Variants in SEPTIN2 observed in about 807,000 individuals in gnomAD.
SEPTIN2 encodes the protein septin 2, also known as septin-2.
SEPTIN2 carries 34 observed loss-of-function variants against 46.5 expected under a neutral mutation model. The observed-to-expected ratio is 0.73, with a 90% CI of 0.56 to 0.97. SEPTIN2 has a LOEUF of 0.97. SEPTIN2 is among the 50% of genes least tolerant of loss of function. SEPTIN2 has a pLI of 0.00. For synonymous variants in SEPTIN2, 175 were observed against 153.4 expected (o/e 1.14, Z -1.04); for missense variants, 347 against 448.4 (o/e 0.77, Z 2.04).
At chr2:241,335,267 A>C (rs1022765076) in intron 4 of SEPTIN2, 55 bp downstream of exon 4, 7 of 1,593,012 alleles carry the variant, frequency 4.4e-6, no homozygotes, top group African/African-American at 1.3e-5. Context: ...GATGCTGAAG[A>C]CTGCCTAATT....
Position 241,352,229 on chromosome 2 carries a change from G to GTATA in SEPTIN2, c.*292_*293insTATA, listed in dbSNP as rs2060846184. 1 of 152,606 alleles carries GTATA rather than the reference G, an allele frequency of 6.6e-6. No individual in the cohort carries two copies. The highest frequency in any genetic ancestry group is 1.5e-5 in the Non-Finnish European group (1 of 68,042). The allele number at this position is 152,606 out of a possible 1,614,324, so 9.5% of individuals were successfully genotyped here. On this transcript the variant is annotated 3_prime_UTR_variant, in exon 13 of 13. Transcript: ENST00000391971. ...TGTTAGAATTGATTTCCAAGAATCG[G>GTATA]CATGTATACTTAATACTGAATTTCT...
intron 3 of SEPTIN2, among the ~76,000 whole-genome samples, chr2:241,327,050 CAAAAAAAAAAAA>C (rs59492636): frequency 4.5e-5 from 3 of 66,014 alleles, no homozygotes; most frequent in Admixed American, 2.0e-4. Flanking sequence ...AACCTTGTCT[CAAAAAAAAAAAA>C]AAAAAAAAAA....
At chr2:241,315,701 A>C (rs1205863315), upstream of SEPTIN2, 1 of 152,374 alleles carries the variant, frequency 6.6e-6, no homozygotes, top group Admixed American at 6.5e-5. Context: ...CAGCCTCTAT[A>C]TGGCCAACTG....
chr2:241,334,722 G>A (rs557219384), intron 3 of SEPTIN2, among the ~76,000 whole-genome samples: 26 of 152,232 alleles, frequency 1.7e-4, no homozygotes, highest in Admixed American at 7.9e-4. Context: ...GGATAGATAT[G>A]TTCAGTTTTC....
chr2:241,346,930 C>T (rs1026524442), intron 10 of SEPTIN2, among the ~76,000 whole-genome samples: 3 of 152,174 alleles, frequency 2.0e-5, no homozygotes, highest in Admixed American at 1.3e-4. Flanking sequence ...GAAGCAGCAG[C>T]TTCGATCCTC....
chr2:241,331,299 A>G (rs1039631051), intron 3 of SEPTIN2, among the ~76,000 whole-genome samples: 9 of 152,270 alleles, frequency 5.9e-5, no homozygotes, highest in Admixed American at 2.0e-4. Context: ...AGACCTATAC[A>G]CTGAAAACTA....
In SEPTIN2 at chr2:241,335,972, T is replaced by C. The variant is rs761299365; in HGVS notation, c.218-3T>C. On this transcript the variant is annotated splice_region_variant and splice_polypyrimidine_tract_variant and intron_variant, in intron 4 of 12. Transcript: ENST00000391971. ...TTCCCTATTAAGTTTGTTTCTTTTC[T>C]AGAAAAAATTGAAAGAACTGTCCAG... The C allele has an allele frequency of 6.2e-7, 1 of 1,614,160 alleles. No individual in the cohort carries two copies. Among genetic ancestry groups the C allele is most frequent in the Non-Finnish European group, 8.5e-7 (1 of 1,180,024 alleles).
chr2:241,323,889 T>C (rs1443546883), intron 1 of SEPTIN2, among the ~76,000 whole-genome samples: 1 of 152,232 alleles, frequency 6.6e-6, no homozygotes, highest in African/African-American at 2.4e-5. Flanking sequence ...CTTCCTTTTG[T>C]AAAGAAGTAA....
rs774586614 is a variant in SEPTIN2, at chr2:241,348,232, G to C, written c.984+41G>C. Reference sequence around the variant, plus strand: ...CTATTGGTTGGTTGGTTGGTTGGTTGTTTTGTTTGTTTTGAGACAGAGTTT... The same window carrying C: ...CTATTGGTTGGTTGGTTGGTTGGTTCTTTTGTTTGTTTTGAGACAGAGTTT... On this transcript the variant is annotated intron_variant, in intron 11 of 12. Transcript: ENST00000391971. 9 of 1,553,216 alleles carry C rather than the reference G, an allele frequency of 5.8e-6. No individual in the cohort carries two copies. In the South Asian group the frequency reaches 1.0e-4, roughly 17 times the overall value.
intron 1 of SEPTIN2, among the ~76,000 whole-genome samples, chr2:241,319,589 A>G: frequency 6.6e-6 from 1 of 152,182 alleles, no homozygotes; most frequent in African/African-American, 2.4e-5. Flanking sequence ...AGATTTAAGC[A>G]GTTTTCCTTT....
At chr2:241,318,818 C>G in intron 1 of SEPTIN2, among the ~76,000 whole-genome samples, 1 of 151,870 alleles carries the variant, frequency 6.6e-6, no homozygotes, top group Non-Finnish European at 1.5e-5. Context: ...CTGCCTCAGC[C>G]TCCTGGGTAG....
At chr2:241,349,433 C>T (rs2060582465) in intron 11 of SEPTIN2, among the ~76,000 whole-genome samples, 1 of 151,436 alleles carries the variant, frequency 6.6e-6, no homozygotes, top group Admixed American at 6.6e-5. Flanking sequence ...ATTGTGAGGC[C>T]TTCATTGCCC....
At chr2:241,347,109 TA>T (rs1419737471) in intron 10 of SEPTIN2, among the ~76,000 whole-genome samples, 1 of 152,118 alleles carries the variant, frequency 6.6e-6, no homozygotes, top group Non-Finnish European at 1.5e-5. Context: ...TTTTTTAAAT[TA>T]GCCAGATGTG....
intron 11 of SEPTIN2, among the ~76,000 whole-genome samples, chr2:241,348,651 A>G (rs1042938684): frequency 6.6e-6 from 1 of 152,142 alleles, no homozygotes; most frequent in Non-Finnish European, 1.5e-5. Flanking sequence ...TAACTACTTT[A>G]TTACTATATA....
chr2:241,330,500 T>C (rs1332695798), intron 3 of SEPTIN2, among the ~76,000 whole-genome samples: 1 of 152,130 alleles, frequency 6.6e-6, no homozygotes, highest in African/African-American at 2.4e-5. Flanking sequence ...TACGTGTAAA[T>C]GGGTGTGGCT....
intron 1 of SEPTIN2, 154 bp downstream of exon 1, chr2:241,316,136 G>T: frequency 5.1e-6 from 1 of 196,846 alleles, no homozygotes; most frequent in Non-Finnish European, 1.0e-5. Context: ...CCGAGCCCAG[G>T]CTCTTCGGCA....
chr2:241,342,097 G>T (rs1355143739), intron 7 of SEPTIN2, among the ~76,000 whole-genome samples: 1 of 152,156 alleles, frequency 6.6e-6, no homozygotes, highest in Non-Finnish European at 1.5e-5. Context: ...CGCTAGCCTG[G>T]TGTTGATGGA....
In SEPTIN2 at chr2:241,315,952, G is replaced by C. The variant is rs564247273; in HGVS notation, c.-48G>C. Reference sequence around the variant, plus strand: ...CGCTGGGCGGGTCCGCGGCGCGGTCGGTCGGCGCCTGTTCTCGGGCTGTTT... The same window carrying C: ...CGCTGGGCGGGTCCGCGGCGCGGTCCGTCGGCGCCTGTTCTCGGGCTGTTT... On this transcript the variant is annotated 5_prime_UTR_variant, in exon 1 of 13. Transcript: ENST00000391971. 6.6e-6 allele frequency: 1 copy of C among 152,270 alleles called. No individual in the cohort carries two copies. Among genetic ancestry groups the C allele is most frequent in the African/African-American group, 2.4e-5 (1 of 41,434 alleles). The allele number at this position is 152,270 out of a possible 1,614,324, so 9.4% of individuals were successfully genotyped here. A position where few individuals can be genotyped will look rare whatever the true frequency, so the allele number is the denominator to read the frequency against.
At chr2:241,351,829 T>C (rs1442696223) in intron 12 of SEPTIN2, 138 bp from the exon 13 acceptor site, 1 of 152,258 alleles carries the variant, frequency 6.6e-6, no homozygotes, top group African/African-American at 2.4e-5. Flanking sequence ...TTTGGTTTAG[T>C]TAACTTTGTG....
Sources: gnomAD v4.1 joint callset for allele counts (sites outside exome capture counted in the v4.1 genomes callset) on GRCh38, gnomAD v4.1.1 for gene constraint, MANE v1.5 for transcripts, NCBI Gene and HGNC (gene_info 2026-07-23, HGNC 2026-07-21) for gene names.